The following C8orf34 variants were observed in gnomAD, a reference collection of about 807,000 sequenced individuals.
The protein encoded by C8orf34 is chromosome 8 open reading frame 34.
In C8orf34, 65 loss-of-function variants were observed where a neutral mutation model predicts 68.3. That is an observed-to-expected ratio of 0.95 (90% CI 0.78 to 1.17). The LOEUF is 1.17. Ranked by LOEUF, C8orf34 falls within the 50% of genes most tolerant of loss-of-function variation. The pLI, the probability that C8orf34 is intolerant of heterozygous loss-of-function variation, is 0.00. For missense variants in C8orf34, 664 were observed against 655.4 expected, an observed-to-expected ratio of 1.01 and a Z score of -0.14; for synonymous variants, 244 against 241.2, an observed-to-expected ratio of 1.01 and a Z score of -0.11.
At chr8:68,813,486 T>A (rs1824717885) in intron 12 of C8orf34, among the ~76,000 whole-genome samples, 1 of 152,184 alleles carries the variant, frequency 6.6e-6, no homozygotes, top group Non-Finnish European at 1.5e-5. Context: ...CTTTGCACCA[T>A]GCTCTATGGG....
rs368546974 is a variant in C8orf34, at chr8:68,732,103, G to A, written c.1404+10666G>A. 2.0e-5 allele frequency among the ~76,000 whole-genome samples: 3 copies of A among 152,302 alleles called. No individual in the cohort carries two copies. The East Asian group carries it at 5.8e-4, about 29-fold the overall frequency. On this transcript the variant is annotated intron_variant, in intron 10 of 13. Transcript: ENST00000518698. ...ATTTGAGGCTTGAGAGTAATGCTTT[G>A]GAGAACAAAAATCACAGTCAGTGTC...
intron 7 of C8orf34, among the ~76,000 whole-genome samples, chr8:68,541,964 TG>T (rs1458050696): frequency 6.6e-6 from 1 of 152,226 alleles, no homozygotes; most frequent in Non-Finnish European, 1.5e-5. Flanking sequence ...ATGATATATC[TG>T]GTTTTCTATT....
intron 8 of C8orf34, among the ~76,000 whole-genome samples, chr8:68,678,265 A>G (rs1055716337): frequency 6.6e-6 from 1 of 152,190 alleles, no homozygotes; most frequent in African/African-American, 2.4e-5. Context: ...TCAGGAAAAC[A>G]GCAACAACTA....
intron 8 of C8orf34, among the ~76,000 whole-genome samples, chr8:68,705,733 G>GTT (rs199787844): frequency 2.0e-5 from 3 of 151,066 alleles, no homozygotes; most frequent in African/African-American, 4.9e-5. Flanking sequence ...ATTTTTGTGG[G>GTT]TTTTTTTTTA....
chr8:68,459,406 T>G (rs1352051145), intron 3 of C8orf34, among the ~76,000 whole-genome samples: 1 of 151,750 alleles, frequency 6.6e-6, no homozygotes, highest in Non-Finnish European at 1.5e-5. Context: ...ATTTTTGTAT[T>G]TTTTTTAGTA....
chr8:68,576,753 G>C (rs1816916800), intron 7 of C8orf34, among the ~76,000 whole-genome samples: 1 of 151,802 alleles, frequency 6.6e-6, no homozygotes, highest in South Asian at 2.1e-4. Flanking sequence ...TGTCAGGTAA[G>C]AAACATTTAA....
At chr8:68,501,959 A>C (rs1481839261) in intron 5 of C8orf34, among the ~76,000 whole-genome samples, 2 of 151,402 alleles carry the variant, frequency 1.3e-5, no homozygotes, top group African/African-American at 2.4e-5. Context: ...TTGACATTTC[A>C]AAAAAAAAGA....
At chr8:68,371,693 G>A (rs1458584885) in intron 1 of C8orf34, among the ~76,000 whole-genome samples, 1 of 151,064 alleles carries the variant, frequency 6.6e-6, no homozygotes, top group Non-Finnish European at 1.5e-5. Context: ...TCTGCCTCCT[G>A]CGTTCAAGCT....
intron 11 of C8orf34, among the ~76,000 whole-genome samples, chr8:68,782,196 T>A (rs1055480860): frequency 6.6e-6 from 1 of 152,208 alleles, no homozygotes; most frequent in African/African-American, 2.4e-5. Flanking sequence ...CATCAGAGAC[T>A]ATGTCACATT....
At chr8:68,799,524 C>A (rs1459805169) in intron 12 of C8orf34, among the ~76,000 whole-genome samples, 1 of 152,168 alleles carries the variant, frequency 6.6e-6, no homozygotes, top group Non-Finnish European at 1.5e-5. Context: ...TGCTTCACCT[C>A]CTCAAATTAA....
intron 10 of C8orf34, among the ~76,000 whole-genome samples, chr8:68,735,371 T>C (rs1822095311): frequency 6.6e-6 from 1 of 152,224 alleles, no homozygotes; most frequent in Non-Finnish European, 1.5e-5. Flanking sequence ...TTTATCCTAT[T>C]TTCTTATGGA....
chr8:68,553,196 T>C lies in C8orf34; in HGVS notation c.1105+20047T>C, dbSNP rs1047431248. 7.4e-4 allele frequency among the ~76,000 whole-genome samples: 112 copies of C among 151,762 alleles called. 1 individual carries two copies. Among genetic ancestry groups the C allele is most frequent in the Non-Finnish European group, 8.1e-4 (55 of 67,886 alleles). ...GTCAGGAGATCGAGACCGTCCTGGC[T>C]AACACCGTGAAATCCTGTCTCTACT... On this transcript the variant is annotated intron_variant, in intron 7 of 13. Transcript: ENST00000518698.
chr8:68,514,203 C>G (rs1814406323), intron 5 of C8orf34, among the ~76,000 whole-genome samples: 1 of 152,022 alleles, frequency 6.6e-6, no homozygotes, highest in South Asian at 2.1e-4. Context: ...AGAGTGCTTC[C>G]CACCTCACAG....
intron 3 of C8orf34, among the ~76,000 whole-genome samples, chr8:68,456,585 C>T (rs922749633): frequency 7.9e-5 from 12 of 152,258 alleles, no homozygotes; most frequent in African/African-American, 2.9e-4. Flanking sequence ...TTTTCAAATG[C>T]ACTCATACAA....
rs151259829 is a variant in C8orf34 at position 68,406,350 on chromosome 8, T to C, written c.328-33149T>C. Among the ~76,000 whole-genome samples the C allele has an allele frequency of 8.1e-4, 124 of 152,270 alleles. 1 individual carries two copies. The East Asian group carries it at 0.021, about 25-fold the overall frequency. On this transcript the variant is annotated intron_variant, in intron 1 of 13. Coordinates refer to ENST00000518698, the MANE Select transcript of C8orf34 (RefSeq NM_052958.4). ...TCTGAGTGATGTACTAGAAGGCTTTTGTTTCTGTTGATGACCCAGTTGGGA... is the reference window on the plus strand; with the variant it reads ...TCTGAGTGATGTACTAGAAGGCTTTCGTTTCTGTTGATGACCCAGTTGGGA...
intron 1 of C8orf34, among the ~76,000 whole-genome samples, chr8:68,430,517 A>G (rs928181315): frequency 6.6e-6 from 1 of 152,204 alleles, no homozygotes; most frequent in Non-Finnish European, 1.5e-5. Flanking sequence ...GAATCTTGTG[A>G]GACTGAGTCT....
chr8:68,741,080 G>C (rs1163977485), intron 10 of C8orf34, among the ~76,000 whole-genome samples: 2 of 152,078 alleles, frequency 1.3e-5, no homozygotes, highest in African/African-American at 4.8e-5. Context: ...GGACCTATCA[G>C]AGGGTGAAGG....
At chr8:68,467,510 A>G (rs559221071) in intron 3 of C8orf34, among the ~76,000 whole-genome samples, 209 of 151,848 alleles carry the variant, frequency 1.4e-3, no homozygotes, top group Non-Finnish European at 2.5e-3. Flanking sequence ...TGCTTGACTC[A>G]TTGGTTTCTA....
chr8:68,481,362 G>C (rs1812852102), intron 4 of C8orf34, among the ~76,000 whole-genome samples: 1 of 152,210 alleles, frequency 6.6e-6, no homozygotes, highest in Admixed American at 6.5e-5. Flanking sequence ...ACTCTACTAG[G>C]GCAGTGTGGA....
Sources: allele counts gnomAD v4.1 joint callset (sites outside exome capture counted in the v4.1 genomes callset), GRCh38; gene constraint gnomAD v4.1.1; transcripts MANE v1.5; gene names NCBI Gene and HGNC (gene_info 2026-07-23, HGNC 2026-07-21).